The following PARP8 variants were observed in gnomAD, a reference collection of about 807,000 sequenced individuals.
The protein encoded by PARP8 is protein mono-ADP-ribosyltransferase PARP8.
Under a neutral mutation model 124.1 loss-of-function variants are expected in PARP8, and 51 were observed. That is an observed-to-expected ratio of 0.41 (90% CI 0.33 to 0.52). PARP8 has a LOEUF of 0.52. Ranked by LOEUF, PARP8 falls within the 20% of genes least tolerant of loss-of-function variation. The probability of loss-of-function intolerance (pLI) is 0.21; values close to 1 mark genes in which losing one functional copy is unlikely to be tolerated. For synonymous variants in PARP8, 391 were observed against 361.5 expected, an observed-to-expected ratio of 1.08 and a Z score of -0.93; for missense variants, 860 against 1,018.9, an observed-to-expected ratio of 0.84 and a Z score of 2.12.
chr5:50,704,111 C>G (rs779940024), intron 2 of PARP8, among the ~76,000 whole-genome samples: 4 of 151,794 alleles, frequency 2.6e-5, no homozygotes, highest in Non-Finnish European at 4.4e-5. Flanking sequence ...AGAAATTGTC[C>G]AGCTTGTGCA....
intron 2 of PARP8, among the ~76,000 whole-genome samples, chr5:50,747,163 G>GTTTTGTTTTTTTT (rs1758658189): frequency 1.0e-5 from 1 of 95,504 alleles, no homozygotes; most frequent in African/African-American, 4.1e-5. Flanking sequence ...TGTTTGTTTT[G>GTTTTGTTTTTTTT]TTTTTTTTTT....
intron 19 of PARP8, among the ~76,000 whole-genome samples, 168 bp downstream of exon 19, chr5:50,826,971 C>A (rs1224541405): frequency 6.6e-6 from 1 of 152,054 alleles, no homozygotes; most frequent in Non-Finnish European, 1.5e-5. Context: ...TAGCTCCAAA[C>A]CTTTCCAAGA....
chr5:50,808,079 C>T (rs1281848151), intron 14 of PARP8, among the ~76,000 whole-genome samples: 1 of 151,822 alleles, frequency 6.6e-6, no homozygotes, highest in Non-Finnish European at 1.5e-5. Context: ...AAATTAAGAA[C>T]ACCCAGTTAT....
At chr5:50,760,206 G>C in intron 4 of PARP8, 86 bp from the exon 5 acceptor site, 1 of 1,150,608 alleles carries the variant, frequency 8.7e-7, no homozygotes, top group Non-Finnish European at 1.2e-6. Flanking sequence ...ATCACCTAAA[G>C]GGTAGTTTTA....
intron 14 of PARP8, among the ~76,000 whole-genome samples, chr5:50,807,772 A>G (rs541392143): frequency 2.6e-4 from 39 of 152,116 alleles, no homozygotes; most frequent in African/African-American, 8.2e-4. Context: ...CAATCGTTCT[A>G]TGTGTCCTTG....
chr5:50,693,197 T>A (rs1392637281), intron 2 of PARP8, among the ~76,000 whole-genome samples: 1 of 152,236 alleles, frequency 6.6e-6, no homozygotes, highest in East Asian at 1.9e-4. Context: ...CCTACCAATT[T>A]TTAAATGGCC....
intron 3 of PARP8, 81 bp from the exon 4 acceptor site, chr5:50,759,562 A>G (rs1308378033): frequency 2.9e-6 from 4 of 1,402,698 alleles, no homozygotes; most frequent in Admixed American, 5.8e-5. Context: ...AGTGATGTGC[A>G]TATAAATTAG....
At chr5:50,753,407 A>G (rs1759475287) in intron 3 of PARP8, among the ~76,000 whole-genome samples, 1 of 152,218 alleles carries the variant, frequency 6.6e-6, no homozygotes, top group South Asian at 2.1e-4. Flanking sequence ...TGAGAATTAG[A>G]ATACTATACA....
intron 25 of PARP8, among the ~76,000 whole-genome samples, chr5:50,839,039 TG>T (rs771504919): frequency 1.8e-4 from 28 of 152,094 alleles, no homozygotes; most frequent in Admixed American, 1.8e-3. Context: ...GTTACTCAGG[TG>T]GGTCTCAAAC....
chr5:50,838,134 A>G (rs763749542), intron 25 of PARP8, among the ~76,000 whole-genome samples: 1 of 152,254 alleles, frequency 6.6e-6, no homozygotes, highest in Non-Finnish European at 1.5e-5. Context: ...CTCAAAATCA[A>G]TATACAAATA....
rs191752364 is a variant in PARP8, at chr5:50,771,185, G to A, written c.519-6884G>A. Reference sequence around the variant, plus strand: ...TCATTTATTTATTTTTTGAGATAGAGTTTTGCTCTTGTTGCCCAAGCTGGA... The same window carrying A: ...TCATTTATTTATTTTTTGAGATAGAATTTTGCTCTTGTTGCCCAAGCTGGA... On this transcript the variant is annotated intron_variant, in intron 7 of 25. Transcript: ENST00000281631. 1.8e-3 allele frequency among the ~76,000 whole-genome samples: 266 copies of A among 151,342 alleles called. 2 individuals carry two copies. The highest frequency in any genetic ancestry group is 6.2e-3 in the African/African-American group (257 of 41,288).
At position 50,763,176 on chromosome 5, in the gene PARP8, A is replaced by C; in HGVS notation, c.452A>C (p.His151Pro). The change falls in exon 7 of 26, where the codon CAC (histidine) becomes CCC (proline). Residue 151 changes from histidine (H) to proline (P), a missense_variant. His to Pro is a moderately conservative substitution (Grantham distance 77). This residue lies in a region of PARP8 where 517 missense variants were observed against 544.2 expected (regional missense o/e 0.95). Transcript: ENST00000281631. ...QVNYDGELHK[H>P]PQLEADLSAV... ...AACTATGATGGGGAACTGCACAAGCACCCACAACTGGAAGCTGATTTGTCA... is the reference window on the plus strand; with the variant it reads ...AACTATGATGGGGAACTGCACAAGCCCCCACAACTGGAAGCTGATTTGTCA... 6.2e-7 allele frequency: 1 copy of C among 1,613,778 alleles called. No individual in the cohort carries two copies. Among genetic ancestry groups the C allele is most frequent in the Non-Finnish European group, 8.5e-7 (1 of 1,179,710 alleles).
chr5:50,772,624 T>C (rs1761738198), intron 7 of PARP8, among the ~76,000 whole-genome samples: 1 of 152,232 alleles, frequency 6.6e-6, no homozygotes, highest in Non-Finnish European at 1.5e-5. Flanking sequence ...CATTTTTTCA[T>C]GTACCTGTTG....
rs1748372719 is a variant in PARP8 at position 50,843,425 on chromosome 5, G to A, written c.*1357G>A. The A allele has an allele frequency of 6.6e-6, 1 of 151,748 alleles. No homozygotes were observed. Among genetic ancestry groups the A allele is most frequent in the Non-Finnish European group, 1.5e-5 (1 of 67,822 alleles). The allele number at this position is 151,748 out of a possible 1,614,324, so 9.4% of individuals were successfully genotyped here. On this transcript the variant is annotated 3_prime_UTR_variant, in exon 26 of 26. Transcript: ENST00000281631. ...TTGCAAGTATAATGTGATAACTGCT[G>A]TGTTTATTTCCTTTGTCTGGCATAA...
At chr5:50,789,038 G>T (rs1741637830) in intron 10 of PARP8, among the ~76,000 whole-genome samples, 1 of 152,116 alleles carries the variant, frequency 6.6e-6, no homozygotes, top group South Asian at 2.1e-4. Flanking sequence ...CTCTTACTGG[G>T]CTCTATTGAG....
At chr5:50,693,220 A>C (rs530370255) in intron 2 of PARP8, among the ~76,000 whole-genome samples, 12 of 152,302 alleles carry the variant, frequency 7.9e-5, no homozygotes, top group Admixed American at 2.0e-4. Context: ...CCTCAAGTAA[A>C]GTTTGAATTA....
rs149858890 is a variant in PARP8 at position 50,709,955 on chromosome 5, T to TATAC, written c.147-40195_147-40194insTACA. Reference sequence around the variant, plus strand: ...ATATATATATATATATATATATATATACACATACATATATACACACACACA... The same window carrying TATAC: ...ATATATATATATATATATATATATATATACACACATACATATATACACACACACA... On this transcript the variant is annotated intron_variant, in intron 2 of 25. Transcript: ENST00000281631. Among the ~76,000 whole-genome samples the TATAC allele has an allele frequency of 9.6e-4, 99 of 103,294 alleles. 1 individual carries two copies. The highest frequency in any genetic ancestry group is 3.3e-3 in the African/African-American group (97 of 29,602). The allele number at this position is 103,294 out of a possible 152,430, so 67.8% of individuals were successfully genotyped here. A position where few individuals can be genotyped will look rare whatever the true frequency, so the allele number is the denominator to read the frequency against.
chr5:50,762,608 G>A (rs1431224995), intron 6 of PARP8, among the ~76,000 whole-genome samples: 1 of 152,140 alleles, frequency 6.6e-6, no homozygotes, highest in African/African-American at 2.4e-5. Flanking sequence ...TTATGTAAAA[G>A]AATGCAAGTA....
intron 14 of PARP8, among the ~76,000 whole-genome samples, chr5:50,811,758 G>A (rs1328452737): frequency 6.6e-6 from 1 of 151,956 alleles, no homozygotes; most frequent in Non-Finnish European, 1.5e-5. Context: ...CCTGCAACAA[G>A]CCCTGGTGTG....
Sources: allele counts gnomAD v4.1 joint callset (sites outside exome capture counted in the v4.1 genomes callset), GRCh38; gene constraint gnomAD v4.1.1; regional missense constraint gnomAD v4.1.1; transcripts MANE v1.5; gene names NCBI Gene and HGNC (gene_info 2026-07-23, HGNC 2026-07-21).